MACROD2: variants seen among roughly 807,000 people sequenced by gnomAD.
MACROD2 encodes the protein ADP-ribose glycohydrolase MACROD2.
In MACROD2, 36 loss-of-function variants were observed where a neutral mutation model predicts 70.4. The ratio of observed to expected loss-of-function variants is 0.51; its 90% CI spans 0.39 to 0.68. MACROD2 has a LOEUF of 0.68. MACROD2 is among the 30% of genes least tolerant of loss of function. The probability of loss-of-function intolerance (pLI) is 0.00; values close to 1 mark genes in which losing one functional copy is unlikely to be tolerated. For missense variants in MACROD2, 496 were observed against 538.4 expected, an observed-to-expected ratio of 0.92 and a Z score of 0.78; for synonymous variants, 172 against 178.8, an observed-to-expected ratio of 0.96 and a Z score of 0.30.
chr20:15,796,236 C>T (rs573151257), intron 8 of MACROD2, among the ~76,000 whole-genome samples: 4 of 152,302 alleles, frequency 2.6e-5, no homozygotes, highest in East Asian at 1.9e-4. Context: ...AAGAAGCCCA[C>T]GTTAATACTC....
At chr20:14,016,877 T>C (rs1569117109) in intron 2 of MACROD2, among the ~76,000 whole-genome samples, 2 of 152,100 alleles carry the variant, frequency 1.3e-5, no homozygotes, top group Non-Finnish European at 2.9e-5. Flanking sequence ...GGATTTTTTT[T>C]CCCCACAAAA....
chr20:14,212,992 C>T (rs946123518), intron 3 of MACROD2, among the ~76,000 whole-genome samples: 2 of 151,678 alleles, frequency 1.3e-5, no homozygotes, highest in African/African-American at 2.4e-5. Context: ...GTATACATCA[C>T]GCAACAACAG....
rs559960583 is a variant in MACROD2, at chr20:14,298,364, T to A, written c.272-195115T>A. Among the ~76,000 whole-genome samples the A allele has an allele frequency of 5.3e-4, 81 of 151,844 alleles. 1 individual carries two copies. Among genetic ancestry groups the A allele is most frequent in the South Asian group, 1.7e-3 (8 of 4,808 alleles). ...GGCTGGATCACCTGAGGTCAGGAGT[T>A]CGAGACCAGCCTGGCCAACATGGTG... On this transcript the variant is annotated intron_variant, in intron 3 of 17. Coordinates refer to ENST00000684519, the MANE Select transcript of MACROD2 (RefSeq NM_001351661.2).
chr20:14,605,026 T>C (rs147973353), intron 4 of MACROD2, among the ~76,000 whole-genome samples: 4 of 152,356 alleles, frequency 2.6e-5, no homozygotes, highest in Non-Finnish European at 4.4e-5. Flanking sequence ...ACTTGTATAT[T>C]TGACTCTTAC....
intron 6 of MACROD2, among the ~76,000 whole-genome samples, chr20:15,384,652 G>A (rs148157053): frequency 3.4e-4 from 52 of 152,094 alleles, no homozygotes; most frequent in African/African-American, 1.2e-3. Flanking sequence ...TTATATTAAC[G>A]GCTGGGTCAG....
chr20:14,200,874 T>G (rs1569203633), intron 3 of MACROD2, among the ~76,000 whole-genome samples: 1 of 152,168 alleles, frequency 6.6e-6, no homozygotes, highest in East Asian at 1.9e-4. Context: ...TCTCTTAAAG[T>G]TCTAGTCTTG....
chr20:15,580,486 C>T (rs1468934625), intron 8 of MACROD2, among the ~76,000 whole-genome samples: 1 of 152,194 alleles, frequency 6.6e-6, no homozygotes, highest in African/African-American at 2.4e-5. Flanking sequence ...TCCACTTGCT[C>T]TCCTCCCCTT....
rs994528258 is a variant in MACROD2, at chr20:14,650,774, C to T, written c.302-34069C>T. The stretch of plus-strand genomic sequence containing the variant: ...TTAAAAAACATTGTTAATAACCCTT[C>T]GCACTACACACCAAAGTGCAGCCTT... On this transcript the variant is annotated intron_variant, in intron 4 of 17. Coordinates refer to ENST00000684519, the MANE Select transcript of MACROD2 (RefSeq NM_001351661.2). Among the ~76,000 whole-genome samples the T allele has an allele frequency of 3.9e-5, 6 of 152,132 alleles. 1 individual carries two copies. The highest frequency in any genetic ancestry group is 2.1e-4 in the South Asian group (1 of 4,830).
At chr20:16,008,271 A>G (rs945797558) in intron 15 of MACROD2, among the ~76,000 whole-genome samples, 4 of 152,194 alleles carry the variant, frequency 2.6e-5, no homozygotes, top group Non-Finnish European at 5.9e-5. Context: ...AACGTCTCTC[A>G]CGTTACATGG....
chr20:15,356,636 T>C (rs777049181), intron 6 of MACROD2, among the ~76,000 whole-genome samples: 2 of 152,044 alleles, frequency 1.3e-5, no homozygotes, highest in African/African-American at 4.8e-5. Flanking sequence ...GTACAAAAAT[T>C]AGCTGGGCAT....
At chr20:14,892,377 A>G (rs2073772992) in intron 5 of MACROD2, among the ~76,000 whole-genome samples, 1 of 152,116 alleles carries the variant, frequency 6.6e-6, no homozygotes, top group African/African-American at 2.4e-5. Flanking sequence ...CAGGAGGCTG[A>G]GACACGAGAA....
intron 5 of MACROD2, among the ~76,000 whole-genome samples, chr20:15,196,128 G>A (rs1009736915): frequency 2.6e-5 from 4 of 152,082 alleles, no homozygotes; most frequent in African/African-American, 7.2e-5. Context: ...AATGGATGCC[G>A]AGTTTAATAG....
chr20:14,526,054 C>T (rs1040418291), intron 4 of MACROD2, among the ~76,000 whole-genome samples: 4 of 152,122 alleles, frequency 2.6e-5, no homozygotes, highest in Admixed American at 2.0e-4. Context: ...CTTCTTTTGT[C>T]TTGTTGGCTG....
At chr20:15,058,231 A>T (rs1354554443) in intron 5 of MACROD2, among the ~76,000 whole-genome samples, 1 of 152,156 alleles carries the variant, frequency 6.6e-6, no homozygotes, top group African/African-American at 2.4e-5. Context: ...AGGGGGACAG[A>T]TGTAGAAAAG....
intron 5 of MACROD2, among the ~76,000 whole-genome samples, chr20:14,942,380 C>CT (rs111329702): frequency 6.6e-5 from 10 of 151,014 alleles, no homozygotes; most frequent in East Asian, 5.8e-4. Context: ...CCTTATCCTC[C>CT]TTTTTTTTTC....
chr20:15,698,549 C>G (rs1349004316), intron 8 of MACROD2, among the ~76,000 whole-genome samples: 1 of 152,072 alleles, frequency 6.6e-6, no homozygotes, highest in African/African-American at 2.4e-5. Flanking sequence ...TGACAATGTG[C>G]CTAGGTGAAG....
At chr20:15,785,600 G>A (rs1005925243) in intron 8 of MACROD2, among the ~76,000 whole-genome samples, 1 of 152,122 alleles carries the variant, frequency 6.6e-6, no homozygotes, top group African/African-American at 2.4e-5. Flanking sequence ...GATCTTTAAG[G>A]GGAGGAGTGT....
At chr20:14,303,153 G>T (rs1377754494) in intron 3 of MACROD2, among the ~76,000 whole-genome samples, 2 of 152,116 alleles carry the variant, frequency 1.3e-5, no homozygotes, top group East Asian at 1.9e-4. Flanking sequence ...ATTTCACAGA[G>T]AACTTATCTT....
intron 8 of MACROD2, among the ~76,000 whole-genome samples, chr20:15,643,245 A>G (rs1234404151): frequency 6.6e-6 from 1 of 152,182 alleles, no homozygotes; most frequent in African/African-American, 2.4e-5. Flanking sequence ...CCCATGCTGT[A>G]GCCTGGAAGG....
Sources: allele counts gnomAD v4.1 joint callset (sites outside exome capture counted in the v4.1 genomes callset), GRCh38; gene constraint gnomAD v4.1.1; transcripts MANE v1.5; gene names NCBI Gene and HGNC (gene_info 2026-07-23, HGNC 2026-07-21).